DGCR2: variants seen among roughly 807,000 people sequenced by gnomAD.
DGCR2 encodes integral membrane protein DGCR2/IDD.
Under a neutral mutation model 51.6 loss-of-function variants are expected in DGCR2, and 24 were observed. That is an observed-to-expected ratio of 0.47 (90% CI 0.34 to 0.65). The LOEUF is 0.65. Among genes scored for constraint, DGCR2 ranks in the 30% least tolerant of loss-of-function variants. The probability of loss-of-function intolerance (pLI) is 0.01; values close to 1 mark genes in which losing one functional copy is unlikely to be tolerated. For synonymous variants in DGCR2, 340 were observed against 315.4 expected (o/e 1.08, Z -0.82); for missense variants, 765 against 772.1 (o/e 0.99, Z 0.11).
In DGCR2 at chr22:19,092,047, T is replaced by A. The variant is rs561032520; in HGVS notation, c.80-2557A>T. ...AGACAGTCTGATCAGCAAAAAAAAATAAAGAATACAAAATACCAGGCCAGG... is the reference window on the plus strand; with the variant it reads ...AGACAGTCTGATCAGCAAAAAAAAAAAAAGAATACAAAATACCAGGCCAGG... On this transcript the variant is annotated intron_variant, in intron 1 of 9. Transcript: ENST00000263196. Among the ~76,000 whole-genome samples, 97 of 151,398 alleles carry A rather than the reference T, an allele frequency of 6.4e-4. 1 individual carries two copies. Among genetic ancestry groups the A allele is most frequent in the Admixed American group, 2.6e-3 (39 of 15,186 alleles).
At chr22:19,088,540 A>G (rs2146011151) in intron 2 of DGCR2, among the ~76,000 whole-genome samples, 1 of 152,358 alleles carries the variant, frequency 6.6e-6, no homozygotes, top group Non-Finnish European at 1.5e-5. Flanking sequence ...CAGGTTGGCA[A>G]AGCAGACCTA....
intron 1 of DGCR2, among the ~76,000 whole-genome samples, chr22:19,095,268 A>G (rs1252360357): frequency 6.6e-6 from 1 of 152,184 alleles, no homozygotes; most frequent in East Asian, 1.9e-4. Context: ...AGGCTGAGGC[A>G]GGAGAATCGC....
intron 2 of DGCR2, among the ~76,000 whole-genome samples, chr22:19,073,200 G>A (rs1362161455): frequency 2.0e-5 from 3 of 152,140 alleles, no homozygotes; most frequent in Non-Finnish European, 4.4e-5. Context: ...GCTGTTTGAG[G>A]CTACAATGAG....
intron 9 of DGCR2, among the ~76,000 whole-genome samples, 172 bp from the exon 10 acceptor site, chr22:19,039,293 T>A (rs1298937693): frequency 6.6e-6 from 1 of 152,044 alleles, no homozygotes; most frequent in Non-Finnish European, 1.5e-5. Flanking sequence ...AGGAGGAGCC[T>A]GCCCCACATG....
At chr22:19,058,335 C>T (rs1254887091) in intron 5 of DGCR2, among the ~76,000 whole-genome samples, 1 of 152,168 alleles carries the variant, frequency 6.6e-6, no homozygotes, top group African/African-American at 2.4e-5. Flanking sequence ...CCCAGCATCT[C>T]GCCTGCCTCA....
chr22:19,110,188 G>A (rs1000726833), intron 1 of DGCR2, among the ~76,000 whole-genome samples: 5 of 152,208 alleles, frequency 3.3e-5, no homozygotes, highest in African/African-American at 1.2e-4. Flanking sequence ...TCCAAAAAAC[G>A]GGGTTACAGT....
intron 2 of DGCR2, among the ~76,000 whole-genome samples, chr22:19,073,737 T>C (rs1210911532): frequency 6.6e-6 from 1 of 152,184 alleles, no homozygotes; most frequent in Non-Finnish European, 1.5e-5. Context: ...AAAGGTAAAA[T>C]AAGGACACTT....
intron 1 of DGCR2, among the ~76,000 whole-genome samples, chr22:19,114,389 T>C (rs1304209481): frequency 6.6e-6 from 1 of 152,242 alleles, no homozygotes; most frequent in Admixed American, 6.5e-5. Flanking sequence ...CTAGCAGGCA[T>C]CCTTCGCAAA....
intron 1 of DGCR2, among the ~76,000 whole-genome samples, chr22:19,106,578 C>T (rs1315760493): frequency 6.6e-6 from 1 of 152,128 alleles, no homozygotes; most frequent in East Asian, 1.9e-4. Flanking sequence ...AGAGTTCAAA[C>T]GGGAACAAGA....
intron 1 of DGCR2, among the ~76,000 whole-genome samples, chr22:19,093,176 C>T (rs2083098902): frequency 1.3e-5 from 2 of 151,968 alleles, no homozygotes; most frequent in Admixed American, 1.3e-4. Context: ...GCCTGACCAA[C>T]AAGGTGAAAC....
chr22:19,051,188 C>CAAAAAA (rs61277487), intron 6 of DGCR2, among the ~76,000 whole-genome samples: 4 of 54,810 alleles, frequency 7.3e-5, no homozygotes, highest in Admixed American at 2.5e-4. Context: ...AATTCTGTCA[C>CAAAAAA]AAAAAAAAAA....
intron 5 of DGCR2, among the ~76,000 whole-genome samples, chr22:19,058,104 C>T (rs1003126606): frequency 6.7e-6 from 1 of 148,264 alleles, no homozygotes; most frequent in African/African-American, 2.4e-5. Context: ...TTCTCACCTG[C>T]GTCTTTTGGA....
chr22:19,118,083 T>C (rs2083391885), intron 1 of DGCR2, among the ~76,000 whole-genome samples: 1 of 152,132 alleles, frequency 6.6e-6, no homozygotes, highest in African/African-American at 2.4e-5. Context: ...AACTCTGGAC[T>C]CCAGCCGGGG....
chr22:19,051,487 A>C (rs1248416683), intron 6 of DGCR2, among the ~76,000 whole-genome samples: 1 of 152,190 alleles, frequency 6.6e-6, no homozygotes, highest in African/African-American at 2.4e-5. Context: ...CTGTAATCTC[A>C]ATACAGGAGG....
chr22:19,120,375 T>G (rs1489409281), intron 1 of DGCR2, among the ~76,000 whole-genome samples: 1 of 152,070 alleles, frequency 6.6e-6, no homozygotes, highest in Admixed American at 6.5e-5. Flanking sequence ...GACCCCACAC[T>G]CCAGGGTATT....
rs377188172 is a variant in DGCR2 at position 19,041,079 on chromosome 22, T to C, written c.1375A>G (p.Ser459Gly). ...PPYEASIHPD[S>G]VFYDPADDDA... ...GCACCTGCAGGGTCATAGAACACAC[T>C]GTCCGGGTGGATGGAGGCCTCGTAG... Residue 459 changes from serine to glycine, a missense_variant, in exon 9 of 10, where the codon AGT (serine) becomes GGT (glycine). By Grantham distance (56) the Ser-to-Gly change is moderately conservative (BLOSUM62 0). This residue lies in a region of DGCR2 where 205 missense variants were observed against 181.4 expected (regional missense o/e 1.13). Transcript: ENST00000263196. 2 of 1,607,544 alleles carry C rather than the reference T, an allele frequency of 1.2e-6. No individual in the cohort carries two copies. Among genetic ancestry groups the C allele is most frequent in the African/African-American group, 2.7e-5 (2 of 74,996 alleles).
intron 1 of DGCR2, among the ~76,000 whole-genome samples, chr22:19,094,280 TA>T (rs1682386355): frequency 6.6e-6 from 1 of 151,902 alleles, no homozygotes; most frequent in South Asian, 2.1e-4. Context: ...ACGCAAAAAT[TA>T]GATGGGTGCG....
At chr22:19,117,174 G>A (rs369842724) in intron 1 of DGCR2, among the ~76,000 whole-genome samples, 19 of 152,110 alleles carry the variant, frequency 1.2e-4, no homozygotes, top group East Asian at 5.8e-4. Flanking sequence ...ACAAATCACC[G>A]GCCACCGCTG....
At chr22:19,084,120 G>A (rs897555318) in intron 2 of DGCR2, among the ~76,000 whole-genome samples, 2 of 152,182 alleles carry the variant, frequency 1.3e-5, no homozygotes, top group African/African-American at 4.8e-5. Flanking sequence ...TGCCGAGATT[G>A]CAGCCTCTGC....
Sources: gnomAD v4.1 joint callset for allele counts (sites outside exome capture counted in the v4.1 genomes callset) on GRCh38, gnomAD v4.1.1 for gene constraint, gnomAD v4.1.1 regional missense constraint, MANE v1.5 for transcripts, NCBI Gene and HGNC (gene_info 2026-07-23, HGNC 2026-07-21) for gene names.